The following HIVEP1 variants were observed in gnomAD, a reference collection of about 807,000 sequenced individuals.
HIVEP1 encodes HIVEP zinc finger 1, also known as zinc finger protein 40.
In HIVEP1, 36 loss-of-function variants were observed where a neutral mutation model predicts 180.0. That is an observed-to-expected ratio of 0.20 (90% CI 0.15 to 0.26). The LOEUF (loss-of-function observed/expected upper bound fraction) is 0.26. HIVEP1 is among the 10% of genes least tolerant of loss of function. The probability of loss-of-function intolerance (pLI) is 1.00; values close to 1 mark genes in which losing one functional copy is unlikely to be tolerated. For missense variants in HIVEP1, 3,143 were observed against 3,268.7 expected (o/e 0.96, Z 0.94); for synonymous variants, 1,239 against 1,239.0 (o/e 1.00, Z 0.00).
chr6:12,161,439 A>G lies in HIVEP1; in HGVS notation c.6488A>G (p.Asp2163Gly). 2 of 1,607,240 alleles carry G rather than the reference A, an allele frequency of 1.2e-6. No homozygotes were observed. Among genetic ancestry groups the G allele is most frequent in the Non-Finnish European group, 8.5e-7 (1 of 1,175,262 alleles). Residue 2163 changes from aspartate to glycine, a missense_variant and splice_region_variant, in exon 8 of 9, where the codon GAT becomes GGT. Physicochemically the swap from Asp to Gly is moderately conservative, Grantham distance 94. Transcript: ENST00000379388. ...LIDEQDTEES[D>G]EKQRFSYERS... The stretch of plus-strand genomic sequence containing the variant: ...CATACCTCTTGGTTGTTTTTATTAG[A>G]TGAAAAACAGAGATTCAGTTATGAG...
the HIVEP1 span, among the ~76,000 whole-genome samples, chr6:12,193,836 G>A: frequency 3.9e-5 from 6 of 152,138 alleles, no homozygotes; most frequent in Admixed American, 1.3e-4. Context: ...TGCATAATAC[G>A]ACAAATACTA....
the HIVEP1 span, among the ~76,000 whole-genome samples, chr6:12,198,481 C>T: frequency 2.0e-5 from 3 of 152,224 alleles, no homozygotes; most frequent in Admixed American, 6.5e-5. Context: ...TTCATTCATT[C>T]ATTCAATAAG....
intron 2 of HIVEP1, among the ~76,000 whole-genome samples, chr6:12,030,505 T>C (rs1768872005): frequency 6.6e-6 from 1 of 152,198 alleles, no homozygotes. Flanking sequence ...TTCATTGAGC[T>C]ATCTTCAAAT....
chr6:12,105,993 CAT>C (rs1005208903), intron 3 of HIVEP1, among the ~76,000 whole-genome samples: 18 of 150,984 alleles, frequency 1.2e-4, no homozygotes, highest in Middle Eastern at 3.5e-3. Flanking sequence ...TACATATATA[CAT>C]ATATATATAC....
In HIVEP1 at chr6:12,123,357, C is replaced by T. The variant is rs376674453; in HGVS notation, c.3562C>T (p.Arg1188Trp). The change falls in exon 4 of 9, where the codon CGG becomes TGG. Residue 1188 changes from arginine to tryptophan, a missense_variant. Around this residue, in one of 12 missense-constraint regions of HIVEP1, gnomAD observed 1,357 missense variants for 1,260.5 expected, o/e 1.08. Transcript: ENST00000379388. ...CTCCCAAGAGGAAAGTCACCCTTCT[C>T]GGGACGGGTCTCATCCTCACCAGCT... is the stretch of plus-strand genomic sequence containing the variant. ...GISQEESHPS[R>W]DGSHPHQLAL... The T allele has an allele frequency of 2.2e-5, 36 of 1,614,026 alleles. No homozygotes were observed. The highest frequency in any genetic ancestry group is 5.0e-5 in the Admixed American group (3 of 59,998).
At chr6:12,053,875 G>A (rs774967352) in intron 2 of HIVEP1, among the ~76,000 whole-genome samples, 2 of 152,138 alleles carry the variant, frequency 1.3e-5, no homozygotes, top group Non-Finnish European at 2.9e-5. Flanking sequence ...GGTACATAAC[G>A]TATCTTTTAC....
the HIVEP1 span, among the ~76,000 whole-genome samples, chr6:12,212,032 G>A: frequency 0.28 from 42,313 of 152,110 alleles, 6,338 homozygotes; most frequent in African/African-American, 0.38. Context: ...TGCCCCGTCC[G>A]GAGGGCACAG....
chr6:12,085,577 T>C (rs571023651), intron 2 of HIVEP1, among the ~76,000 whole-genome samples: 1 of 152,282 alleles, frequency 6.6e-6, no homozygotes, highest in African/African-American at 2.4e-5. Context: ...CTGTTCACAT[T>C]AGACCTGACA....
chr6:12,079,648 T>A (rs757643705), intron 2 of HIVEP1, among the ~76,000 whole-genome samples: 1 of 152,186 alleles, frequency 6.6e-6, no homozygotes, highest in African/African-American at 2.4e-5. Flanking sequence ...GAACATTGAT[T>A]TGCAAGGTTG....
At position 12,054,024 on chromosome 6, in the gene HIVEP1, A is replaced by G. The variant is rs983157124; in HGVS notation, c.41-35160A>G. Among the ~76,000 whole-genome samples, 16 of 152,264 alleles carry G rather than the reference A, an allele frequency of 1.1e-4. 1 individual carries two copies. The highest frequency in any genetic ancestry group is 3.6e-4 in the African/African-American group (15 of 41,478). ...AACGTAGGTTATCTTTCCCTTCTCC[A>G]TTTCAAATAGTCTGTCATATTTGAA... On this transcript the variant is annotated intron_variant, in intron 2 of 8. Coordinates refer to ENST00000379388, the MANE Select transcript of HIVEP1 (RefSeq NM_002114.4).
chr6:12,059,664 A>G (rs2113748024), intron 2 of HIVEP1, among the ~76,000 whole-genome samples: 2 of 152,038 alleles, frequency 1.3e-5, no homozygotes, highest in South Asian at 4.1e-4. Flanking sequence ...GAATCTCTTG[A>G]GTCTTTTTCT....
intron 7 of HIVEP1, among the ~76,000 whole-genome samples, chr6:12,137,430 A>T (rs78106105): frequency 0.017 from 2,514 of 152,266 alleles, 86 homozygotes; most frequent in African/African-American, 0.056. Flanking sequence ...CTATGTATTT[A>T]TTCATTGTTG....
At position 12,121,943 on chromosome 6, in the gene HIVEP1, G is replaced by A. The variant is rs774974634; in HGVS notation, c.2148G>A (p.Thr716=). 4.3e-6 allele frequency: 7 copies of A among 1,614,098 alleles called. No homozygotes were observed. Among genetic ancestry groups the A allele is most frequent in the East Asian group, 2.2e-5 (1 of 44,880 alleles). ...SNGPSAALVT[T]STPSALPTGE... ...GACCCTCTGCAGCTCTTGTCACCAC[G>A]TCAACACCCTCTGCTTTGCCCACAG... Residue 716 remains threonine, a synonymous_variant, in exon 4 of 9, where the codon ACG becomes ACA. Coordinates refer to ENST00000379388, the MANE Select transcript of HIVEP1 (RefSeq NM_002114.4). This position sits in a 1 kb window ranked among gnomAD's most constrained non-coding sequence, Gnocchi z 5.3.
At chr6:12,035,690 C>T (rs764630326) in intron 2 of HIVEP1, among the ~76,000 whole-genome samples, 3 of 152,094 alleles carry the variant, frequency 2.0e-5, no homozygotes, top group Non-Finnish European at 4.4e-5. Context: ...TTGGGATTAA[C>T]GGAGTGGATG....
Position 12,124,167 on chromosome 6 carries a change from AGT to A in HIVEP1, c.4376_4377del (p.Val1459GlufsTer12). ...PTSFQNTALP[S>X]VNAVPYQGPQ... ...ATCTTTCCAAAATACTGCTCTTCCCAGTGTGAATGCAGTGCCATATCAGGGGC... is the reference window on the plus strand; with the variant it reads ...ATCTTTCCAAAATACTGCTCTTCCCAGTGAATGCAGTGCCATATCAGGGGC... On this transcript the variant is annotated frameshift_variant, in exon 4 of 9. Coordinates refer to ENST00000379388, the MANE Select transcript of HIVEP1 (RefSeq NM_002114.4). LOFTEE classifies it high-confidence loss of function. 6.2e-7 allele frequency: 1 copy of A among 1,614,032 alleles called. No individual in the cohort carries two copies. Among genetic ancestry groups the A allele is most frequent in the Non-Finnish European group, 8.5e-7 (1 of 1,179,926 alleles).
intron 3 of HIVEP1, among the ~76,000 whole-genome samples, chr6:12,107,381 CT>C (rs1229506607): frequency 2.6e-5 from 4 of 152,176 alleles, no homozygotes; most frequent in Non-Finnish European, 5.9e-5. Context: ...CAGTCATAAT[CT>C]TTTTGCTGGT....
intron 3 of HIVEP1, among the ~76,000 whole-genome samples, chr6:12,107,884 C>T (rs1247078483): frequency 6.7e-6 from 1 of 150,366 alleles, no homozygotes; most frequent in East Asian, 1.9e-4. Flanking sequence ...CTGATTGGTG[C>T]GTTTACAATC....
the HIVEP1 span, among the ~76,000 whole-genome samples, chr6:12,172,641 A>C: frequency 6.6e-6 from 1 of 152,184 alleles, no homozygotes; most frequent in Non-Finnish European, 1.5e-5. Context: ...TATTAAAAAA[A>C]CTCACATTTT....
chr6:12,016,785 T>C (rs1212306676), intron 2 of HIVEP1, among the ~76,000 whole-genome samples: 3 of 152,164 alleles, frequency 2.0e-5, no homozygotes, highest in Non-Finnish European at 4.4e-5. Flanking sequence ...ACGTTGAAAA[T>C]TGAATGTGTT....
Sources: gnomAD v4.1 joint callset for allele counts (sites outside exome capture counted in the v4.1 genomes callset) on GRCh38, gnomAD v4.1.1 for gene constraint, gnomAD v4.1.1 regional missense constraint, Gnocchi (gnomAD v3.1) non-coding constraint, MANE v1.5 for transcripts, NCBI Gene and HGNC (gene_info 2026-07-23, HGNC 2026-07-21) for gene names.